Variants in RNF32 observed in about 807,000 individuals in gnomAD.
RNF32 encodes ring finger protein 32.
RNF32 carries 36 observed loss-of-function variants against 41.0 expected under a neutral mutation model. That is an observed-to-expected ratio of 0.88 (90% CI 0.67 to 1.16). RNF32 has a LOEUF of 1.16. RNF32 is among the 50% of genes most tolerant of loss of function. RNF32 has a pLI of 0.00. For missense variants in RNF32, 413 were observed against 436.7 expected (o/e 0.95, Z 0.48); for synonymous variants, 154 against 160.9 (o/e 0.96, Z 0.32).
chr7:156,658,982 C>T (rs1800177243), intron 7 of RNF32: 1 of 1,506,310 alleles, frequency 6.6e-7, no homozygotes. Flanking sequence ...AAAGCCCCCA[C>T]ATGCTACCAT....
At chr7:156,640,475 G>A (rs1485655684), upstream of RNF32, 8 of 360,148 alleles carry the variant, frequency 2.2e-5, no homozygotes, top group Admixed American at 1.1e-4. Flanking sequence ...CGCGGCTCCC[G>A]AACACCCCCG....
At chr7:156,645,061 T>C (rs927399195) in intron 3 of RNF32, among the ~76,000 whole-genome samples, 3 of 152,180 alleles carry the variant, frequency 2.0e-5, no homozygotes, top group Admixed American at 6.5e-5. Flanking sequence ...AAATCCCTTA[T>C]AGTAGAATGA....
intron 3 of RNF32, among the ~76,000 whole-genome samples, chr7:156,651,696 T>C (rs1292541917): frequency 6.6e-6 from 1 of 152,232 alleles, no homozygotes; most frequent in Non-Finnish European, 1.5e-5. Flanking sequence ...AGCTGAGCAA[T>C]GTGGTGTTCT....
chr7:156,676,315 C>T (rs751671528), intron 8 of RNF32, 104 bp from the exon 9 acceptor site: 51 of 1,611,148 alleles, frequency 3.2e-5, no homozygotes, highest in Non-Finnish European at 4.0e-5. Context: ...CCGCATGTTT[C>T]GAAGACCCAT....
intron 1 of RNF32, among the ~76,000 whole-genome samples, chr7:156,641,828 A>G (rs1797367859): frequency 6.6e-6 from 1 of 152,220 alleles, no homozygotes; most frequent in African/African-American, 2.4e-5. Context: ...CATTTCTCCA[A>G]GTTCAGTTGT....
chr7:156,658,988 A>G (rs1585052871), intron 7 of RNF32: 5 of 1,501,608 alleles, frequency 3.3e-6, no homozygotes, highest in South Asian at 2.7e-5. Flanking sequence ...CCCACATGCT[A>G]CCATTGTATT....
intron 7 of RNF32, among the ~76,000 whole-genome samples, chr7:156,660,701 T>C (rs908833723): frequency 6.6e-6 from 1 of 152,192 alleles, no homozygotes; most frequent in African/African-American, 2.4e-5. Flanking sequence ...CTAAGCAATG[T>C]TGACAGAAAA....
rs1563107957 is a variant in RNF32 at position 156,676,681 on chromosome 7, A to T, written c.*26A>T. 1 of 1,577,994 alleles carries T rather than the reference A, an allele frequency of 6.3e-7. No individual in the cohort carries two copies. The highest frequency in any genetic ancestry group is 2.2e-5 in the East Asian group (1 of 44,548). ...ATTCATAGTCAAGGAAAGTTAGGTA[A>T]TTCTGAGGAAAAAAGTTTACCATCA... On this transcript the variant is annotated 3_prime_UTR_variant, in exon 9 of 9. Coordinates refer to ENST00000317955, the MANE Select transcript of RNF32 (RefSeq NM_030936.4).
intron 3 of RNF32, chr7:156,646,406 CCTT>C (rs1357867428): frequency 1.5e-5 from 19 of 1,303,166 alleles, no homozygotes; most frequent in Non-Finnish European, 1.7e-5. Flanking sequence ...CTTCACAAAA[CCTT>C]CTTCTCTAGG....
At chr7:156,676,396 T>C (rs1804049317) in intron 8 of RNF32, 23 bp from the exon 9 acceptor site, 2 of 1,614,008 alleles carry the variant, frequency 1.2e-6, no homozygotes, top group African/African-American at 2.7e-5. Flanking sequence ...CCGCGTGGCC[T>C]CTTCCCGTCC....
chr7:156,640,392 A>G, upstream of RNF32: 1 of 431,710 alleles, frequency 2.3e-6, no homozygotes, highest in East Asian at 7.1e-5. Context: ...GCTGCGGACT[A>G]CAGCGAAGCC....
chr7:156,643,511 TATGTATC>T (rs1343977512), intron 1 of RNF32, among the ~76,000 whole-genome samples: 6 of 152,238 alleles, frequency 3.9e-5, no homozygotes, highest in African/African-American at 1.4e-4. Flanking sequence ...TTGTAGTACT[TATGTATC>T]ATGTTATATT....
intron 5 of RNF32, 42 bp from the exon 6 acceptor site, chr7:156,658,086 A>T: frequency 6.3e-7 from 1 of 1,581,032 alleles, no homozygotes. Context: ...GTTGTTTATA[A>T]GTAATTACTT....
chr7:156,644,770 A>G lies in RNF32; in HGVS notation c.274+13A>G. 6.3e-7 allele frequency: 1 copy of G among 1,592,762 alleles called. No homozygotes were observed. The highest frequency in any genetic ancestry group is 8.5e-7 in the Non-Finnish European group (1 of 1,175,594). ...CCGTTGACTTTGGGTAAGCTGACGT[A>G]GTCATTCATCTTTTGGCTTATTAGG... On this transcript the variant is annotated intron_variant, in intron 3 of 8. Coordinates refer to ENST00000317955, the MANE Select transcript of RNF32 (RefSeq NM_030936.4).
At chr7:156,646,976 C>T (rs1798037333) in intron 3 of RNF32, among the ~76,000 whole-genome samples, 1 of 152,146 alleles carries the variant, frequency 6.6e-6, no homozygotes, top group Non-Finnish European at 1.5e-5. Context: ...CTCAGCCTCC[C>T]AAGTAGCTGG....
chr7:156,648,609 A>G (rs1049913297), intron 3 of RNF32, among the ~76,000 whole-genome samples: 1 of 152,216 alleles, frequency 6.6e-6, no homozygotes, highest in Non-Finnish European at 1.5e-5. Context: ...CTTTATGGAA[A>G]AAATCTTGAT....
chr7:156,666,534 G>GT, intron 7 of RNF32, among the ~76,000 whole-genome samples: 2 of 152,336 alleles, frequency 1.3e-5, no homozygotes, highest in Middle Eastern at 6.8e-3. Flanking sequence ...AAGTCTTGTG[G>GT]TAAGAATTGA....
At chr7:156,643,047 T>C (rs1797566617) in intron 1 of RNF32, 1 of 152,274 alleles carries the variant, frequency 6.6e-6, no homozygotes, top group South Asian at 2.1e-4. Flanking sequence ...TTCCAAATTA[T>C]TCCACCAGCT....
Position 156,644,672 on chromosome 7 carries a change from A to T in RNF32, c.189A>T (p.Gly63=). 1 of 1,612,892 alleles carries T rather than the reference A, an allele frequency of 6.2e-7. No individual in the cohort carries two copies. Among genetic ancestry groups the T allele is most frequent in the Non-Finnish European group, 8.5e-7 (1 of 1,179,104 alleles). The change falls in exon 3 of 9, where the codon GGA becomes GGT. Residue 63 remains glycine, a synonymous_variant. Transcript: ENST00000317955. ...KRDTKAIIDT[G]LKKTTQCPKL... is the part of the protein sequence containing the mutation. ...ATACAAAGGCAATAATAGATACTGG[A>T]CTTAAAAAAACTACACAGTGCCCCA...
Sources: allele counts gnomAD v4.1 joint callset (sites outside exome capture counted in the v4.1 genomes callset), GRCh38; gene constraint gnomAD v4.1.1; transcripts MANE v1.5; gene names NCBI Gene and HGNC (gene_info 2026-07-23, HGNC 2026-07-21).